Variants in WWP1 observed in about 807,000 individuals in gnomAD.
WWP1 encodes the protein WW domain containing E3 ubiquitin protein ligase 1, also known as NEDD4-like E3 ubiquitin-protein ligase WWP1.
A neutral mutation model predicts 130.6 loss-of-function variants in WWP1; 49 were observed. The ratio of observed to expected loss-of-function variants is 0.38; its 90% CI spans 0.30 to 0.48. The LOEUF (loss-of-function observed/expected upper bound fraction) is 0.48. Among genes scored for constraint, WWP1 ranks in the 20% least tolerant of loss-of-function variants. The pLI, the probability that WWP1 is intolerant of heterozygous loss-of-function variation, is 0.99. For missense variants in WWP1, 809 were observed against 1,100.6 expected, an observed-to-expected ratio of 0.74 and a Z score of 3.75; for synonymous variants, 332 against 367.8, an observed-to-expected ratio of 0.90 and a Z score of 1.11.
intron 24 of WWP1, 139 bp from the exon 25 acceptor site, chr8:86,466,655 C>A: frequency 2.3e-6 from 1 of 433,304 alleles, no homozygotes; most frequent in East Asian, 3.8e-5. Context: ...ATTTAGATTA[C>A]TCTAAATACT....
At chr8:86,457,097 A>G (rs1043963969) in intron 21 of WWP1, among the ~76,000 whole-genome samples, 3 of 151,872 alleles carry the variant, frequency 2.0e-5, no homozygotes, top group African/African-American at 7.2e-5. Flanking sequence ...TCTTCGAACT[A>G]TATACCTAAG....
intron 5 of WWP1, among the ~76,000 whole-genome samples, chr8:86,394,968 G>C (rs1183238204): frequency 2.1e-5 from 3 of 146,028 alleles, no homozygotes; most frequent in Non-Finnish European, 4.5e-5. Context: ...CAGGAGATGA[G>C]GGGGTTGGGG....
At chr8:86,394,123 G>A (rs1352705818) in intron 5 of WWP1, among the ~76,000 whole-genome samples, 1 of 152,240 alleles carries the variant, frequency 6.6e-6, no homozygotes, top group Non-Finnish European at 1.5e-5. Context: ...TTGTTACTCA[G>A]CAATAGATAA....
At chr8:86,425,379 T>G in intron 10 of WWP1, 61 bp downstream of exon 10, 3 of 1,321,228 alleles carry the variant, frequency 2.3e-6, no homozygotes, top group Non-Finnish European at 3.2e-6. Context: ...GTTTTTAAAT[T>G]TATTTAGTAC....
intron 1 of WWP1, among the ~76,000 whole-genome samples, chr8:86,352,444 C>T (rs1430622363): frequency 3.3e-5 from 5 of 151,842 alleles, no homozygotes; most frequent in South Asian, 4.1e-4. Flanking sequence ...AGGCTGGTCT[C>T]GAACTCCTGG....
At chr8:86,394,933 TAAAAAA>T (rs10694206) in intron 5 of WWP1, among the ~76,000 whole-genome samples, 1 of 76,412 alleles carries the variant, frequency 1.3e-5, no homozygotes, top group African/African-American at 5.1e-5. Flanking sequence ...CTGTTCTTCT[TAAAAAA>T]AAAAAAAAAA....
At chr8:86,344,219 A>AT (rs1196505973) in intron 1 of WWP1, among the ~76,000 whole-genome samples, 2 of 152,232 alleles carry the variant, frequency 1.3e-5, no homozygotes, top group African/African-American at 4.8e-5. Context: ...ATTGTAAAGT[A>AT]TGTGGAATAG....
intron 1 of WWP1, among the ~76,000 whole-genome samples, 154 bp from the exon 2 acceptor site, chr8:86,368,785 C>T (rs974541500): frequency 1.3e-5 from 2 of 152,164 alleles, no homozygotes; most frequent in African/African-American, 2.4e-5. Flanking sequence ...CACTTCAAGA[C>T]GCAGTTCTCT....
chr8:86,374,184 C>A, intron 3 of WWP1, 64 bp downstream of exon 3: 1 of 1,280,982 alleles, frequency 7.8e-7, no homozygotes, highest in South Asian at 1.3e-5. Flanking sequence ...ATACCTAATT[C>A]AGCAGACTTA....
intron 7 of WWP1, among the ~76,000 whole-genome samples, chr8:86,400,016 A>C (rs1263728650): frequency 6.6e-6 from 1 of 152,136 alleles, no homozygotes; most frequent in Non-Finnish European, 1.5e-5. Context: ...ATCCCATGAA[A>C]TTTACATTCT....
At chr8:86,377,026 A>G (rs1030867031) in intron 3 of WWP1, among the ~76,000 whole-genome samples, 5 of 152,204 alleles carry the variant, frequency 3.3e-5, no homozygotes, top group African/African-American at 1.2e-4. Flanking sequence ...TGAGAAACCA[A>G]CTGAGGTCTT....
At chr8:86,405,912 G>A (rs1293628184) in intron 8 of WWP1, among the ~76,000 whole-genome samples, 5 of 152,112 alleles carry the variant, frequency 3.3e-5, no homozygotes, top group South Asian at 4.1e-4. Flanking sequence ...TAGGAATTGT[G>A]GGTCAATACT....
At chr8:86,391,980 G>C (rs967692122) in intron 5 of WWP1, among the ~76,000 whole-genome samples, 2 of 152,172 alleles carry the variant, frequency 1.3e-5, no homozygotes, top group Admixed American at 1.3e-4. Context: ...AAGAGTAGTC[G>C]GGGGCCTATC....
rs752328448 is a variant in WWP1, at chr8:86,342,910, G to GAGCCGAC, written c.-131_-125dup. On this transcript the variant is annotated 5_prime_UTR_variant, in exon 1 of 25. Transcript: ENST00000517970. ...GCTGCCGTGGCCGCCCGGCTGCCGG[G>GAGCCGAC]AGCCGACAGCTTCGCGCCGGGTAAG... is the stretch of plus-strand genomic sequence containing the variant. 1,633 of 348,946 alleles carry GAGCCGAC rather than the reference G, an allele frequency of 4.7e-3. 5 individuals carry two copies. The highest frequency in any genetic ancestry group is 8.4e-3 in the Middle Eastern group (11 of 1,308). 21.6% of individuals were successfully genotyped at this position (348,946 alleles called of 1,614,324 possible).
intron 8 of WWP1, among the ~76,000 whole-genome samples, chr8:86,406,389 A>G (rs971999239): frequency 6.6e-6 from 1 of 152,146 alleles, no homozygotes; most frequent in Non-Finnish European, 1.5e-5. Flanking sequence ...TTGTTATTTT[A>G]TTAATAAAGT....
chr8:86,453,141 T>C (rs12679811), intron 21 of WWP1, among the ~76,000 whole-genome samples: 41,000 of 151,938 alleles, frequency 0.27, 6,389 homozygotes, highest in East Asian at 0.54. Context: ...GTGCATCCAA[T>C]CTCCAGAAAT....
At chr8:86,410,225 C>T (rs1808508367) in intron 8 of WWP1, among the ~76,000 whole-genome samples, 1 of 152,094 alleles carries the variant, frequency 6.6e-6, no homozygotes, top group South Asian at 2.1e-4. Context: ...TGTTATAACA[C>T]CTTAAATAAC....
At chr8:86,343,172 C>T in intron 1 of WWP1, 1 of 206,414 alleles carries the variant, frequency 4.8e-6, no homozygotes, top group East Asian at 1.1e-4. Context: ...AGGCCTGTGC[C>T]AGTGATCCTG....
chr8:86,429,437 C>G (rs1417035442), intron 11 of WWP1, among the ~76,000 whole-genome samples: 2 of 152,130 alleles, frequency 1.3e-5, no homozygotes, highest in Non-Finnish European at 2.9e-5. Context: ...TTATATTCAT[C>G]AAGATGCATA....
Sources: gnomAD v4.1 joint callset for allele counts (sites outside exome capture counted in the v4.1 genomes callset) on GRCh38, gnomAD v4.1.1 for gene constraint, MANE v1.5 for transcripts, NCBI Gene and HGNC (gene_info 2026-07-23, HGNC 2026-07-21) for gene names.